TRPA1: variants seen among roughly 807,000 people sequenced by gnomAD.
TRPA1 encodes transient receptor potential cation channel subfamily A member 1.
A neutral mutation model predicts 131.3 loss-of-function variants in TRPA1; 129 were observed. The observed-to-expected ratio is 0.98, with a 90% CI of 0.85 to 1.14. TRPA1 has a LOEUF of 1.14. Ranked by LOEUF, TRPA1 falls within the 50% of genes most tolerant of loss-of-function variation. The pLI, the probability that TRPA1 is intolerant of heterozygous loss-of-function variation, is 0.00. For synonymous variants in TRPA1, 441 were observed against 451.7 expected, an observed-to-expected ratio of 0.98 and a Z score of 0.30; for missense variants, 1,304 against 1,354.2, an observed-to-expected ratio of 0.96 and a Z score of 0.58.
rs1490812358 is a variant in TRPA1 at position 72,026,031 on chromosome 8, A to G, written c.2980T>C (p.Phe994Leu). 1 of 1,614,012 alleles carries G rather than the reference A, an allele frequency of 6.2e-7. No homozygotes were observed. The highest frequency in any genetic ancestry group is 2.2e-5 in the East Asian group (1 of 44,878). The change falls in exon 25 of 27, where the codon TTT becomes CTT. Residue 994 changes from phenylalanine (F) to leucine (L), a missense_variant. Phe to Leu is a conservative substitution (Grantham distance 22). Coordinates refer to ENST00000262209, the MANE Select transcript of TRPA1 (RefSeq NM_007332.3). ...TSLEKKLPLW[F>L]LRKVDQKSTI... ...GATTTCTGATCCACTTTGCGTAGAA[A>G]CCAAAGTGGCAGCTTCTTCTCTAAG... is the stretch of plus-strand genomic sequence containing the variant.
At chr8:72,024,630 T>G (rs893869070) in intron 25 of TRPA1, among the ~76,000 whole-genome samples, 1 of 152,110 alleles carries the variant, frequency 6.6e-6, no homozygotes, top group South Asian at 2.1e-4. Flanking sequence ...GTAGGGGATA[T>G]GTCAGGAGAG....
Position 72,062,950 on chromosome 8 carries a change from G to A in TRPA1, c.662-6C>T. 1 of 1,612,828 alleles carries A rather than the reference G, an allele frequency of 6.2e-7. No individual in the cohort carries two copies. The highest frequency in any genetic ancestry group is 2.2e-5 in the East Asian group (1 of 44,824). ...ACTGTACCCATGCTCTTCACCTTGA[G>A]AAGAAAATAACATTCAACATAACAA... On this transcript the variant is annotated splice_region_variant and splice_polypyrimidine_tract_variant and intron_variant, in intron 5 of 26. Transcript: ENST00000262209.
chr8:72,088,572 AT>A, the TRPA1 span, among the ~76,000 whole-genome samples: 1 of 152,124 alleles, frequency 6.6e-6, no homozygotes, highest in Non-Finnish European at 1.5e-5. Flanking sequence ...ACAGAAAAGT[AT>A]TGGGTCAGGG....
chr8:72,048,697 T>C (rs1805412962), intron 15 of TRPA1, among the ~76,000 whole-genome samples: 1 of 152,138 alleles, frequency 6.6e-6, no homozygotes, highest in South Asian at 2.1e-4. Context: ...TCCGGCTAAA[T>C]TAAGACATGT....
intron 6 of TRPA1, 140 bp downstream of exon 6, chr8:72,062,659 T>C: frequency 1.1e-6 from 1 of 903,720 alleles, no homozygotes; most frequent in Non-Finnish European, 1.7e-6. Flanking sequence ...ATTCTCTTGT[T>C]CTGCTTCTGC....
intron 23 of TRPA1, among the ~76,000 whole-genome samples, chr8:72,031,218 G>C (rs537679291): frequency 1.2e-4 from 19 of 152,200 alleles, no homozygotes; most frequent in Non-Finnish European, 2.5e-4. Context: ...GGATAATATT[G>C]TTTTGGTTTT....
At chr8:72,033,222 T>C (rs1319205908) in intron 23 of TRPA1, among the ~76,000 whole-genome samples, 1 of 152,222 alleles carries the variant, frequency 6.6e-6, no homozygotes, top group Non-Finnish European at 1.5e-5. Flanking sequence ...CCTCTCCAAC[T>C]CCAAAACATC....
intron 10 of TRPA1, 195 bp from the exon 11 acceptor site, chr8:72,056,050 T>G: frequency 1.6e-6 from 1 of 623,592 alleles, no homozygotes; most frequent in Non-Finnish European, 2.8e-6. Flanking sequence ...TCATTTAGTG[T>G]ACATTACCAT....
chr8:72,057,832 A>G lies in TRPA1; in HGVS notation c.994-16T>C. On this transcript the variant is annotated splice_polypyrimidine_tract_variant and intron_variant, in intron 8 of 26. Transcript: ENST00000262209. ...TATCTGCTCCCTAAAAATCAAACAA[A>G]CCATTCAACAAAGAGCTTAGAAACA... is the stretch of plus-strand genomic sequence containing the variant. 6.4e-7 allele frequency: 1 copy of G among 1,571,674 alleles called. No individual in the cohort carries two copies. Among genetic ancestry groups the G allele is most frequent in the Non-Finnish European group, 8.8e-7 (1 of 1,141,574 alleles).
At chr8:72,083,675 G>A in the TRPA1 span, among the ~76,000 whole-genome samples, 1 of 151,954 alleles carries the variant, frequency 6.6e-6, no homozygotes, top group Non-Finnish European at 1.5e-5. Flanking sequence ...CCCTGGAGGC[G>A]GAGCTTGCAG....
intron 2 of TRPA1, 128 bp from the exon 3 acceptor site, chr8:72,069,326 TA>T: frequency 1.1e-6 from 1 of 912,990 alleles, no homozygotes; most frequent in Non-Finnish European, 1.7e-6. Flanking sequence ...TTATGGAAAC[TA>T]AAAACACAGC....
intron 4 of TRPA1, among the ~76,000 whole-genome samples, chr8:72,064,284 G>C (rs1805878762): frequency 6.7e-6 from 1 of 150,292 alleles, no homozygotes; most frequent in Admixed American, 6.6e-5. Flanking sequence ...TATATGTAGA[G>C]AGTCCAGAAA....
rs553282808 is a variant in TRPA1 at position 72,069,128 on chromosome 8, G to A, written c.339C>T (p.Ser113=). Residue 113 remains serine, a synonymous_variant, in exon 3 of 27, where the codon AGC becomes AGT. Coordinates refer to ENST00000262209, the MANE Select transcript of TRPA1 (RefSeq NM_007332.3). ...HCAVEKNQIE[S]VKFLLSRGAN... ...CTCCTCTGCTGAGAAGAAACTTAAC[G>A]CTTTCAATTTGGTTTTTTTCTACAG... The A allele has an allele frequency of 9.0e-5, 145 of 1,614,154 alleles. 1 individual carries two copies. Among genetic ancestry groups the A allele is most frequent in the Admixed American group, 3.2e-4 (19 of 60,028 alleles).
At chr8:72,070,217 C>T (rs902153329) in intron 2 of TRPA1, among the ~76,000 whole-genome samples, 9 of 152,164 alleles carry the variant, frequency 5.9e-5, no homozygotes, top group African/African-American at 1.4e-4. Flanking sequence ...AGACCATCTA[C>T]GGTACATGGT....
the TRPA1 span, among the ~76,000 whole-genome samples, chr8:72,085,325 A>G: frequency 6.6e-6 from 1 of 152,070 alleles, no homozygotes; most frequent in Non-Finnish European, 1.5e-5. Context: ...ATTATTTTTC[A>G]TTTACTTGAT....
chr8:72,075,015 C>T (rs949002580), intron 1 of TRPA1, among the ~76,000 whole-genome samples: 1 of 152,126 alleles, frequency 6.6e-6, no homozygotes, highest in South Asian at 2.1e-4. Flanking sequence ...AGGCAGCTGC[C>T]CGATCTTGTG....
intron 7 of TRPA1, 120 bp downstream of exon 7, chr8:72,061,505 G>A: frequency 8.7e-7 from 1 of 1,151,426 alleles, no homozygotes; most frequent in Non-Finnish European, 1.3e-6. Context: ...TGTTATCTTT[G>A]CCCTTTTCCT....
At chr8:72,081,751 GGT>G in the TRPA1 span, among the ~76,000 whole-genome samples, 28,737 of 151,266 alleles carry the variant, frequency 0.19, 2,993 homozygotes, top group East Asian at 0.37. Context: ...TTTCCTTTAT[GGT>G]CTTTAGTAAT....
Position 72,065,544 on chromosome 8 carries a change from A to C in TRPA1, c.459T>G (p.His153Gln), listed in dbSNP as rs998709216. ...CTTCCAAATTAACATCAATAGTTCT[A>C]TGCTCAAGCAAGACCTAAAAAAAGG... ...NNEVMKVLLE[H>Q]RTIDVNLEGE... The change falls in exon 4 of 27, where the codon CAT becomes CAG. Residue 153 changes from histidine (H) to glutamine (Q), a missense_variant. His to Gln is a conservative substitution (Grantham distance 24). Coordinates refer to ENST00000262209, the MANE Select transcript of TRPA1 (RefSeq NM_007332.3). The C allele has an allele frequency of 6.2e-7, 1 of 1,613,144 alleles. No individual in the cohort carries two copies. Among genetic ancestry groups the C allele is most frequent in the Non-Finnish European group, 8.5e-7 (1 of 1,179,398 alleles).
Sources: gnomAD v4.1 joint callset for allele counts (sites outside exome capture counted in the v4.1 genomes callset) on GRCh38, gnomAD v4.1.1 for gene constraint, MANE v1.5 for transcripts, NCBI Gene and HGNC (gene_info 2026-07-23, HGNC 2026-07-21) for gene names.